The following CLIC5 variants were observed in gnomAD, a reference collection of about 807,000 sequenced individuals.
CLIC5 encodes the protein chloride intracellular channel protein 5.
CLIC5 carries 20 observed loss-of-function variants against 24.7 expected under a neutral mutation model. That is an observed-to-expected ratio of 0.81 (90% CI 0.57 to 1.18). The LOEUF is 1.18. Ranked by LOEUF, CLIC5 falls within the 50% of genes most tolerant of loss-of-function variation. The pLI is 0.00. For missense variants in CLIC5, 341 were observed against 326.1 expected (o/e 1.05, Z -0.35); for synonymous variants, 159 against 135.6 (o/e 1.17, Z -1.20).
chr6:45,929,430 C>A (rs997147078), intron 4 of CLIC5, among the ~76,000 whole-genome samples: 6 of 152,170 alleles, frequency 3.9e-5, no homozygotes, highest in Non-Finnish European at 8.8e-5. Flanking sequence ...TCCCACCGAG[C>A]CTAGGTTATT....
intron 3 of CLIC5, among the ~76,000 whole-genome samples, chr6:45,942,668 A>G (rs1764172558): frequency 6.6e-6 from 1 of 152,160 alleles, no homozygotes; most frequent in Non-Finnish European, 1.5e-5. Context: ...GATGTTTTTG[A>G]TAGTTCGAAC....
In CLIC5 at chr6:46,072,351, T is replaced by C. The variant is rs565412212; in HGVS notation, c.540+7352A>G. Among the ~76,000 whole-genome samples, 32 of 151,350 alleles carry C rather than the reference T, an allele frequency of 2.1e-4. 1 individual carries two copies. In the South Asian group the frequency reaches 5.8e-3, roughly 27 times the overall value. On this transcript the variant is annotated intron_variant, in intron 1 of 5. Coordinates refer to the CLIC5 transcript ENST00000185206. ...AGAGTGACCAGTTAAACAGCTGTGG[T>C]CAAGATGACACTGATCAGTAGTGGC...
chr6:46,020,163 G>T (rs1003127826), upstream of CLIC5, among the ~76,000 whole-genome samples: 2 of 152,102 alleles, frequency 1.3e-5, no homozygotes, highest in African/African-American at 4.8e-5. Flanking sequence ...TTTACCAAAA[G>T]AGATCACATT....
chr6:46,108,988 T>C, the CLIC5 span, among the ~76,000 whole-genome samples: 1 of 152,184 alleles, frequency 6.6e-6, no homozygotes. Context: ...AGAAATGGTG[T>C]TTAACTTGTA....
Position 45,903,026 on chromosome 6 carries a change from G to C in CLIC5, c.*62C>G. 1 of 1,575,042 alleles carries C rather than the reference G, an allele frequency of 6.3e-7. No homozygotes were observed. The highest frequency in any genetic ancestry group is 1.1e-5 in the South Asian group (1 of 89,298). ...GCAGTGATACAGAGGAGTCTATGAA[G>C]CTGGAGTCTTAGGGGAGTGGTTGAG... On this transcript the variant is annotated 3_prime_UTR_variant, in exon 6 of 6. Coordinates refer to ENST00000339561, the MANE Select transcript of CLIC5 (RefSeq NM_016929.5).
chr6:46,075,435 A>T (rs1762739659), intron 1 of CLIC5, among the ~76,000 whole-genome samples: 2 of 152,038 alleles, frequency 1.3e-5, no homozygotes, highest in African/African-American at 4.8e-5. Context: ...AAAAAATTTA[A>T]TTAGATGGGT....
chr6:46,065,923 A>G lies in CLIC5; in HGVS notation c.540+13780T>C, dbSNP rs923377608. The stretch of plus-strand genomic sequence containing the variant: ...TTTAATGTATGTAAATTATATCCCA[A>G]TACTGTTGGCCCCATAAAGCAACAT... On this transcript the variant is annotated intron_variant, in intron 1 of 5. Transcript: ENST00000185206. Among the ~76,000 whole-genome samples the G allele has an allele frequency of 3.9e-5, 6 of 152,166 alleles. No homozygotes were observed. The South Asian group carries it at 8.3e-4, about 21-fold the overall frequency.
At chr6:45,912,046 A>T (rs558342250) in intron 5 of CLIC5, 2 of 985,874 alleles carry the variant, frequency 2.0e-6, no homozygotes, top group East Asian at 1.1e-4. Flanking sequence ...GGGGGTAAGG[A>T]TGCACACGGA....
At chr6:45,912,299 C>A in intron 5 of CLIC5, 1 of 1,003,880 alleles carries the variant, frequency 1.0e-6, no homozygotes, top group Non-Finnish European at 1.2e-6. Flanking sequence ...CTTTCATTGG[C>A]CATCTTCTTT....
intron 1 of CLIC5, among the ~76,000 whole-genome samples, chr6:46,031,582 C>T (rs1767499688): frequency 6.6e-6 from 1 of 151,728 alleles, no homozygotes; most frequent in African/African-American, 2.4e-5. Flanking sequence ...TTTGGTGGGC[C>T]TATTATCTAT....
chr6:46,026,097 T>C (rs189817791), intron 1 of CLIC5, among the ~76,000 whole-genome samples: 1 of 152,212 alleles, frequency 6.6e-6, no homozygotes, highest in African/African-American at 2.4e-5. Context: ...TGGTATGGCA[T>C]GAGCTCTTTG....
chr6:46,014,458 G>A (rs867171070), intron 1 of CLIC5: 2 of 152,148 alleles, frequency 1.3e-5, no homozygotes, highest in Admixed American at 6.5e-5. Context: ...CCTTCTCAGC[G>A]ATCTGCATAT....
chr6:46,003,136 C>T (rs78818238), intron 1 of CLIC5, among the ~76,000 whole-genome samples: 3,353 of 152,272 alleles, frequency 0.022, 131 homozygotes, highest in African/African-American at 0.077. Context: ...AGACCTACTC[C>T]ATGGAATTCA....
At chr6:45,952,352 CT>C (rs1193857237) in intron 2 of CLIC5, among the ~76,000 whole-genome samples, 1 of 152,200 alleles carries the variant, frequency 6.6e-6, no homozygotes, top group Non-Finnish European at 1.5e-5. Context: ...GATCGGTCTT[CT>C]TTTCCTTACT....
At chr6:46,094,297 T>C in the CLIC5 span, among the ~76,000 whole-genome samples, 1 of 152,188 alleles carries the variant, frequency 6.6e-6, no homozygotes, top group East Asian at 1.9e-4. Context: ...TATTTCAAAA[T>C]ACAATCATGC....
chr6:45,984,298 G>A (rs1057357022), intron 1 of CLIC5, among the ~76,000 whole-genome samples: 1 of 152,122 alleles, frequency 6.6e-6, no homozygotes, highest in Admixed American at 6.5e-5. Context: ...TCCTGGCCTG[G>A]GAGTCTGCTG....
chr6:46,124,804 C>T, the CLIC5 span, among the ~76,000 whole-genome samples: 1 of 152,208 alleles, frequency 6.6e-6, no homozygotes, highest in Non-Finnish European at 1.5e-5. Context: ...GACATTTACG[C>T]AGCCAACAGA....
the CLIC5 span, among the ~76,000 whole-genome samples, chr6:46,091,399 T>G: frequency 6.6e-6 from 1 of 152,194 alleles, no homozygotes. Context: ...TGTCCTCCAG[T>G]TTCATCCATG....
At chr6:46,001,446 C>T (rs1276412592) in intron 1 of CLIC5, among the ~76,000 whole-genome samples, 1 of 152,162 alleles carries the variant, frequency 6.6e-6, no homozygotes, top group Admixed American at 6.5e-5. Context: ...TGCTGCAAAA[C>T]ACTGCTTAGT....
Sources: allele counts gnomAD v4.1 joint callset (sites outside exome capture counted in the v4.1 genomes callset), GRCh38; gene constraint gnomAD v4.1.1; transcripts MANE v1.5; gene names NCBI Gene and HGNC (gene_info 2026-07-23, HGNC 2026-07-21).